ADCY10: variants seen among roughly 807,000 people sequenced by gnomAD.
ADCY10 encodes the protein adenylate cyclase type 10.
ADCY10 carries 156 observed loss-of-function variants against 183.3 expected under a neutral mutation model. The ratio of observed to expected loss-of-function variants is 0.85; its 90% CI spans 0.75 to 0.97. The LOEUF (loss-of-function observed/expected upper bound fraction) is 0.97, where lower values mean the gene tolerates loss of function less well. Ranked by LOEUF, ADCY10 falls within the 50% of genes least tolerant of loss-of-function variation. The pLI is 0.00. For synonymous variants in ADCY10, 645 were observed against 670.0 expected, an observed-to-expected ratio of 0.96 and a Z score of 0.58; for missense variants, 1,745 against 1,934.3, an observed-to-expected ratio of 0.90 and a Z score of 1.84.
chr1:167,810,496 AG>A (rs1480007939), intron 32 of ADCY10, among the ~76,000 whole-genome samples: 2 of 152,200 alleles, frequency 1.3e-5, no homozygotes, highest in Non-Finnish European at 2.9e-5. Context: ...ACACAGCAAA[AG>A]GCACCATCTG....
intron 14 of ADCY10, among the ~76,000 whole-genome samples, chr1:167,863,878 G>A (rs573241869): frequency 6.6e-6 from 1 of 152,334 alleles, no homozygotes; most frequent in South Asian, 2.1e-4. Flanking sequence ...CCATTTGAGT[G>A]GAAGCATGGC....
chr1:167,822,141 C>G lies in ADCY10; in HGVS notation c.4169G>C (p.Gly1390Ala), dbSNP rs1662951294. ...TTCTTCAAATGTTCTATAAACAAAA[C>G]CTAAGAGAGAGAGGAATGGGTGAGA... is the stretch of plus-strand genomic sequence containing the variant. The part of the protein sequence containing the change: ...FVCLDILLYS[G>A]FVYRTFEECL... The change falls in exon 30 of 33, where the codon GGT becomes GCT. Residue 1390 changes from glycine (G) to alanine (A), a missense_variant and splice_region_variant. Coordinates refer to ENST00000367851, the MANE Select transcript of ADCY10 (RefSeq NM_018417.6). The G allele has an allele frequency of 2.6e-6, 4 of 1,546,372 alleles. No individual in the cohort carries two copies. In the African/African-American group the frequency reaches 5.4e-5, roughly 21 times the overall value.
chr1:167,850,277 G>A (rs1304224069), intron 18 of ADCY10, among the ~76,000 whole-genome samples: 1 of 152,116 alleles, frequency 6.6e-6, no homozygotes, highest in East Asian at 1.9e-4. Flanking sequence ...AGTGATAGAA[G>A]TGACAGAGAC....
At chr1:167,820,304 T>G in intron 30 of ADCY10, 1 of 1,218,558 alleles carries the variant, frequency 8.2e-7, no homozygotes, top group Non-Finnish European at 1.1e-6. Context: ...TAGCCAAGTC[T>G]CTGGGAAGGG....
At chr1:167,818,302 T>C in intron 30 of ADCY10, 35 bp from the exon 31 acceptor site, 1 of 1,583,200 alleles carries the variant, frequency 6.3e-7, no homozygotes, top group Non-Finnish European at 8.7e-7. Context: ...AAAATCAGTA[T>C]CACCCATTAG....
intron 23 of ADCY10, among the ~76,000 whole-genome samples, chr1:167,835,772 C>T (rs781052378): frequency 2.6e-5 from 4 of 152,100 alleles, no homozygotes; most frequent in Non-Finnish European, 4.4e-5. Flanking sequence ...CGTCTGCAGT[C>T]CCAGCTACTC....
At chr1:167,875,846 A>AG (rs769377798) in intron 12 of ADCY10, among the ~76,000 whole-genome samples, 6 of 152,048 alleles carry the variant, frequency 3.9e-5, no homozygotes, top group East Asian at 1.9e-4. Context: ...CCAGCTACTC[A>AG]GGGGGCTGAG....
At chr1:167,848,181 C>T (rs934308528) in intron 19 of ADCY10, among the ~76,000 whole-genome samples, 180 bp downstream of exon 19, 1 of 152,068 alleles carries the variant, frequency 6.6e-6, no homozygotes, top group East Asian at 1.9e-4. Flanking sequence ...CTCAGCTTCC[C>T]GAGTAGCTGG....
intron 13 of ADCY10, among the ~76,000 whole-genome samples, chr1:167,873,864 TTC>T (rs1558216991): frequency 1.3e-5 from 2 of 152,216 alleles, no homozygotes; most frequent in Non-Finnish European, 2.9e-5. Flanking sequence ...AAGTTAAGAA[TTC>T]TGTTTATTAA....
intron 18 of ADCY10, among the ~76,000 whole-genome samples, chr1:167,852,463 G>A (rs899759036): frequency 6.6e-6 from 1 of 151,646 alleles, no homozygotes. Context: ...AGCTCATAAC[G>A]GATACTACAT....
intron 5 of ADCY10, 86 bp downstream of exon 5, chr1:167,901,576 C>A: frequency 7.3e-7 from 1 of 1,361,798 alleles, no homozygotes; most frequent in Non-Finnish European, 1.0e-6. Flanking sequence ...CCATGTTCTA[C>A]TACTTCTCTT....
rs77456617 is a variant in ADCY10, at chr1:167,897,603, G to A, written c.643-912C>T. Among the ~76,000 whole-genome samples the A allele has an allele frequency of 5.3e-3, 108 of 20,456 alleles. 54 individuals carry two copies. Among genetic ancestry groups the A allele is most frequent in the African/African-American group, 0.02 (48 of 2,352 alleles). The allele number at this position is 20,456 out of a possible 152,430, so 13.4% of individuals were successfully genotyped here. A position where few individuals can be genotyped will look rare whatever the true frequency, so the allele number is the denominator to read the frequency against. On this transcript the variant is annotated intron_variant, in intron 6 of 32. Transcript: ENST00000367851. Reference sequence around the variant, plus strand: ...GCATCAGGCAGTGCTAACCAGAGATGTGTGTGACAACATCGGCTGGCAACT... The same window carrying A: ...GCATCAGGCAGTGCTAACCAGAGATATGTGTGACAACATCGGCTGGCAACT...
In ADCY10 at chr1:167,815,318, G is replaced by A. The variant is rs533826612; in HGVS notation, c.4482+2754C>T. On this transcript the variant is annotated intron_variant, in intron 31 of 32. Transcript: ENST00000367851. ...ATTTTGAAATATGCCAGAGTACTCC[G>A]TTTTTCTAAACAAGGTGTGCCCTCA... Among the ~76,000 whole-genome samples, 4 of 152,256 alleles carry A rather than the reference G, an allele frequency of 2.6e-5. No individual in the cohort carries two copies. In the South Asian group the frequency reaches 6.2e-4, roughly 24 times the overall value.
At chr1:167,850,527 A>G (rs1665388054) in intron 18 of ADCY10, among the ~76,000 whole-genome samples, 1 of 152,150 alleles carries the variant, frequency 6.6e-6, no homozygotes, top group Non-Finnish European at 1.5e-5. Context: ...GGTTAAGGAT[A>G]GAACTTGAAG....
At chr1:167,841,789 T>A (rs1423227287) in intron 21 of ADCY10, among the ~76,000 whole-genome samples, 3 of 152,202 alleles carry the variant, frequency 2.0e-5, no homozygotes, top group African/African-American at 7.2e-5. Context: ...TTCTTTATTA[T>A]GTTTTTGTTC....
chr1:167,856,179 G>C lies in ADCY10; in HGVS notation c.2157C>G (p.Ser719=). ...ICLDLNVSCI[S]KELDSYLGEG... is the part of the protein sequence containing the mutation. ...AGGTTACTTACGAGTCCAGTTCTTT[G>C]GAGATGCAGCTCACATTGAGGTCAA... is the stretch of plus-strand genomic sequence containing the variant. Residue 719 remains serine (S), a synonymous_variant, in exon 17 of 33, where the codon TCC becomes TCG. Transcript: ENST00000367851. 6.2e-7 allele frequency: 1 copy of C among 1,613,942 alleles called. No homozygotes were observed.
chr1:167,894,779 G>T (rs754695029), intron 7 of ADCY10, among the ~76,000 whole-genome samples: 14 of 152,138 alleles, frequency 9.2e-5, no homozygotes, highest in Non-Finnish European at 1.8e-4. Flanking sequence ...GTAGGTAGTT[G>T]GTCAGAAGTG....
intron 22 of ADCY10, among the ~76,000 whole-genome samples, chr1:167,836,808 G>A (rs536280781): frequency 8.5e-5 from 13 of 152,248 alleles, no homozygotes; most frequent in African/African-American, 2.6e-4. Flanking sequence ...AGTGGATCAC[G>A]AGGTCAGGAG....
chr1:167,900,462 G>C (rs1271218086), intron 5 of ADCY10, among the ~76,000 whole-genome samples: 1 of 151,884 alleles, frequency 6.6e-6, no homozygotes, highest in Non-Finnish European at 1.5e-5. Flanking sequence ...AGACTCCTTG[G>C]GTACTAACTT....
Sources: allele counts gnomAD v4.1 joint callset (sites outside exome capture counted in the v4.1 genomes callset), GRCh38; gene constraint gnomAD v4.1.1; transcripts MANE v1.5; gene names NCBI Gene and HGNC (gene_info 2026-07-23, HGNC 2026-07-21).